Variants in PABPC1L observed in about 807,000 individuals in gnomAD.
PABPC1L encodes the protein polyadenylate-binding protein 1-like.
Under a neutral mutation model 66.6 loss-of-function variants are expected in PABPC1L, and 31 were observed. The ratio of observed to expected loss-of-function variants is 0.47; its 90% confidence interval spans 0.35 to 0.63. The LOEUF is 0.63. PABPC1L is among the 20% of genes least tolerant of loss of function. The probability of loss-of-function intolerance (pLI) is 0.00; values close to 1 mark genes in which losing one functional copy is unlikely to be tolerated. For synonymous variants in PABPC1L, 348 were observed against 335.1 expected (o/e 1.04, Z -0.42); for missense variants, 722 against 848.8 (o/e 0.85, Z 1.86).
Position 44,935,495 on chromosome 20 carries a change from C to T in PABPC1L, c.1564C>T (p.Arg522Trp), listed in dbSNP as rs757755217. The change falls in exon 11 of 15, where the codon CGG becomes TGG. Residue 522 changes from arginine to tryptophan, a missense_variant and splice_region_variant. Coordinates refer to ENST00000217073, the MANE Select transcript of PABPC1L (RefSeq NM_001372179.1). Reference protein sequence around the residue: ...KCSSAAHSTYRVQEPAVHIPG... With the variant: ...KCSSAAHSTYWVQEPAVHIPG... ...TTCCTCAGCAGCACATAGCACCTATCGGGTAAGGCCAGCCCAGCTGCCTGC... is the reference window on the plus strand; with the variant it reads ...TTCCTCAGCAGCACATAGCACCTATTGGGTAAGGCCAGCCCAGCTGCCTGC... 1.1e-5 allele frequency: 18 copies of T among 1,613,780 alleles called. No homozygotes were observed. The highest frequency in any genetic ancestry group is 2.2e-5 in the East Asian group (1 of 44,898).
intron 6 of PABPC1L, among the ~76,000 whole-genome samples, chr20:44,921,967 A>G (rs1361793516): frequency 6.6e-6 from 1 of 152,196 alleles, no homozygotes; most frequent in Non-Finnish European, 1.5e-5. Context: ...CCTTTTGGTT[A>G]GAATAATCCT....
intron 7 of PABPC1L, among the ~76,000 whole-genome samples, chr20:44,924,922 A>G (rs1555799115): frequency 6.6e-6 from 1 of 151,050 alleles, no homozygotes; most frequent in Non-Finnish European, 1.5e-5. Context: ...TTTTTTTTAA[A>G]GCTCCCAGAG....
chr20:44,916,526 G>A (rs188245499), intron 2 of PABPC1L, among the ~76,000 whole-genome samples: 1 of 152,026 alleles, frequency 6.6e-6, no homozygotes, highest in Non-Finnish European at 1.5e-5. Context: ...TGCCCACCTC[G>A]GCCTCCCAAA....
chr20:44,917,700 G>C (rs772696932), intron 3 of PABPC1L, among the ~76,000 whole-genome samples: 1 of 152,132 alleles, frequency 6.6e-6, no homozygotes, highest in Non-Finnish European at 1.5e-5. Flanking sequence ...CATCTGAGAG[G>C]CCAGCTCACA....
At chr20:44,937,068 T>C (rs1601128388) in intron 12 of PABPC1L, 1 of 480,038 alleles carries the variant, frequency 2.1e-6, no homozygotes, top group East Asian at 6.2e-5. Context: ...GGCTTGTAGG[T>C]GGGGGGTTAA....
At chr20:44,919,815 CA>C (rs1257353025) in intron 5 of PABPC1L, among the ~76,000 whole-genome samples, 6 of 152,204 alleles carry the variant, frequency 3.9e-5, no homozygotes, top group African/African-American at 1.4e-4. Context: ...GCCATCTTCA[CA>C]CACAAAAAGG....
chr20:44,910,467 CAG>C, intron 1 of PABPC1L, 131 bp downstream of exon 1: 3 of 1,097,574 alleles, frequency 2.7e-6, no homozygotes, highest in Non-Finnish European at 3.7e-6. Flanking sequence ...TCAAAGATAA[CAG>C]GGCGTTGGCA....
chr20:44,922,921 G>T (rs1446324371), intron 6 of PABPC1L, among the ~76,000 whole-genome samples: 2 of 152,192 alleles, frequency 1.3e-5, no homozygotes, highest in East Asian at 1.9e-4. Context: ...CCACAGCAAG[G>T]AACTGTCTGG....
At chr20:44,934,973 C>G (rs2066888929) in intron 10 of PABPC1L, among the ~76,000 whole-genome samples, 2 of 150,458 alleles carry the variant, frequency 1.3e-5, no homozygotes, top group South Asian at 4.2e-4. Flanking sequence ...TAGGCTGAGA[C>G]AAGAGAATTG....
chr20:44,938,867 A>G, intron 14 of PABPC1L, 119 bp downstream of exon 14: 4 of 1,010,802 alleles, frequency 4.0e-6, no homozygotes, highest in East Asian at 2.6e-5. Context: ...CTGAAGCACC[A>G]AAGAGTTTGG....
chr20:44,937,025 T>C lies in PABPC1L; in HGVS notation c.1660+295T>C, dbSNP rs144875508. The C allele has an allele frequency of 5.4e-5, 29 of 538,622 alleles. No individual in the cohort carries two copies. The African/African-American group carries it at 5.6e-4, about 10-fold the overall frequency. The allele number at this position is 538,622 out of a possible 1,614,324, so 33.4% of individuals were successfully genotyped here. ...GGAGATCAGGGGACAAAGGGAGGAG[T>C]AGGGGTATGGTCTTGGGTTTCTGCT... On this transcript the variant is annotated intron_variant, in intron 12 of 14. Transcript: ENST00000217073.
intron 1 of PABPC1L, among the ~76,000 whole-genome samples, chr20:44,911,711 C>T (rs926772341): frequency 1.3e-5 from 2 of 152,192 alleles, no homozygotes; most frequent in African/African-American, 4.8e-5. Flanking sequence ...TCTGTTTGTT[C>T]TGCTTTGCTC....
chr20:44,927,869 A>G (rs6065765), intron 7 of PABPC1L, among the ~76,000 whole-genome samples: 76,528 of 151,458 alleles, frequency 0.51, 19,807 homozygotes, highest in Admixed American at 0.6. Flanking sequence ...TTTTTATATT[A>G]CCCAGGCTGG....
At chr20:44,927,748 T>C (rs112506443) in intron 7 of PABPC1L, among the ~76,000 whole-genome samples, 3 of 152,124 alleles carry the variant, frequency 2.0e-5, no homozygotes, top group Non-Finnish European at 2.9e-5. Flanking sequence ...TGGAATGCAG[T>C]GGTGCCATCA....
At chr20:44,924,661 T>A (rs1333559319) in intron 7 of PABPC1L, among the ~76,000 whole-genome samples, 6 of 152,220 alleles carry the variant, frequency 3.9e-5, no homozygotes, top group Admixed American at 1.3e-4. Flanking sequence ...TCATTCTTCA[T>A]TTGTTCTTCC....
At chr20:44,920,047 G>C (rs2066762532) in intron 5 of PABPC1L, among the ~76,000 whole-genome samples, 1 of 152,070 alleles carries the variant, frequency 6.6e-6, no homozygotes, top group African/African-American at 2.4e-5. Flanking sequence ...AGTTATGGAG[G>C]TTTTCTGTAT....
intron 2 of PABPC1L, 62 bp downstream of exon 2, chr20:44,912,915 G>A: frequency 1.4e-6 from 2 of 1,465,180 alleles, no homozygotes; most frequent in Non-Finnish European, 1.9e-6. Flanking sequence ...CTGGTAGAGG[G>A]GTGACAAGCA....
At chr20:44,929,999 C>T (rs2066838863) in intron 7 of PABPC1L, among the ~76,000 whole-genome samples, 1 of 152,080 alleles carries the variant, frequency 6.6e-6, no homozygotes, top group South Asian at 2.1e-4. Context: ...TCCTGGCTAA[C>T]GTATGAACCA....
chr20:44,931,407 G>A (rs2066858848), intron 8 of PABPC1L, among the ~76,000 whole-genome samples: 1 of 150,762 alleles, frequency 6.6e-6, no homozygotes, highest in South Asian at 2.1e-4. Flanking sequence ...AAACTCCTGG[G>A]CTCAAGCAAT....
Sources: allele counts gnomAD v4.1 joint callset (sites outside exome capture counted in the v4.1 genomes callset), GRCh38; gene constraint gnomAD v4.1.1; transcripts MANE v1.5; gene names NCBI Gene and HGNC (gene_info 2026-07-23, HGNC 2026-07-21).